The following NECTIN3 variants were observed in gnomAD, a reference collection of about 807,000 sequenced individuals.
The protein encoded by NECTIN3 is nectin cell adhesion molecule 3, also known as nectin-3.
Under a neutral mutation model 49.4 loss-of-function variants are expected in NECTIN3, and 8 were observed. The observed-to-expected ratio is 0.16, with a 90% CI of 0.10 to 0.29. The LOEUF (loss-of-function observed/expected upper bound fraction) is 0.29. NECTIN3 is among the 10% of genes least tolerant of loss of function. NECTIN3 has a pLI of 1.00. For missense variants in NECTIN3, 581 were observed against 654.6 expected, an observed-to-expected ratio of 0.89 and a Z score of 1.23; for synonymous variants, 277 against 241.1, an observed-to-expected ratio of 1.15 and a Z score of -1.38.
chr3:111,151,184 C>T (rs1006064385), intron 7 of NECTIN3, among the ~76,000 whole-genome samples: 9 of 151,732 alleles, frequency 5.9e-5, no homozygotes, highest in East Asian at 1.9e-4. Flanking sequence ...CAGCATGCAG[C>T]GTGATGTTTT....
At chr3:111,167,785 A>T (rs1019547693) in intron 7 of NECTIN3, among the ~76,000 whole-genome samples, 2 of 152,190 alleles carry the variant, frequency 1.3e-5, no homozygotes, top group African/African-American at 4.8e-5. Context: ...GAGAGGCCAC[A>T]GACATCAGTG....
intron 6 of NECTIN3, chr3:111,145,041 G>C: frequency 6.5e-7 from 1 of 1,535,812 alleles, no homozygotes; most frequent in South Asian, 1.2e-5. Flanking sequence ...ACAAAGTGTA[G>C]GTAACTTTTT....
chr3:111,109,467 T>C (rs2033361663), intron 1 of NECTIN3, among the ~76,000 whole-genome samples: 1 of 152,134 alleles, frequency 6.6e-6, no homozygotes, highest in Admixed American at 6.6e-5. Context: ...TATATACATA[T>C]GTACAGGCAA....
chr3:111,145,328 A>G (rs1324122000), intron 6 of NECTIN3, among the ~76,000 whole-genome samples: 1 of 152,210 alleles, frequency 6.6e-6, no homozygotes, highest in Non-Finnish European at 1.5e-5. Flanking sequence ...TGCCTTCTGA[A>G]TAGAAATGTA....
chr3:111,172,691 C>G (rs527431360), intron 7 of NECTIN3, among the ~76,000 whole-genome samples: 138 of 152,292 alleles, frequency 9.1e-4, no homozygotes, highest in African/African-American at 3.2e-3. Context: ...GAATTCTCCA[C>G]CCACAAATTG....
At position 111,129,954 on chromosome 3, in the gene NECTIN3, A is replaced by ATTT. The variant is rs547491944; in HGVS notation, c.1069+3636_1069+3638dup. 3.5e-3 allele frequency among the ~76,000 whole-genome samples: 465 copies of ATTT among 131,584 alleles called. 4 individuals carry two copies. The highest frequency in any genetic ancestry group is 0.012 in the African/African-American group (428 of 35,278). The allele number at this position is 131,584 out of a possible 152,430, so 86.3% of individuals were successfully genotyped here. A position where few individuals can be genotyped will look rare whatever the true frequency, so the allele number is the denominator to read the frequency against. Reference sequence around the variant, plus strand: ...TGTGAGCCACTGCGCCCAGCAGAGAATTTTTTTTTTTTTTTTTTTGAGACA... The same window carrying ATTT: ...TGTGAGCCACTGCGCCCAGCAGAGAATTTTTTTTTTTTTTTTTTTTTTGAGACA... On this transcript the variant is annotated intron_variant, in intron 5 of 5. Transcript: ENST00000485303.
chr3:111,190,503 A>G (rs1307604344), upstream of NECTIN3, among the ~76,000 whole-genome samples: 1 of 152,228 alleles, frequency 6.6e-6, no homozygotes, highest in African/African-American at 2.4e-5. Flanking sequence ...TGTATTTCTT[A>G]TACTTCTAGA....
rs567150225 is a variant in NECTIN3 at position 111,134,579 on chromosome 3, A to C, written c.*364A>C. ...ATTGTGTATTAAATGTTTACCTAAG[A>C]CTATAATCTCAAGTATGATGTTTGT... On this transcript the variant is annotated 3_prime_UTR_variant, in exon 6 of 6. Transcript: ENST00000485303. 1.9e-5 allele frequency: 18 copies of C among 954,378 alleles called. No homozygotes were observed. The highest frequency in any genetic ancestry group is 7.1e-5 in the African/African-American group (4 of 56,586). 59.1% of individuals were successfully genotyped at this position (954,378 alleles called of 1,614,324 possible).
intron 1 of NECTIN3, among the ~76,000 whole-genome samples, chr3:111,092,096 G>A (rs2032305429): frequency 6.6e-6 from 1 of 152,092 alleles, no homozygotes; most frequent in African/African-American, 2.4e-5. Flanking sequence ...TTCTCTGAAG[G>A]CATGTCAGTT....
intron 3 of NECTIN3, 105 bp downstream of exon 3, chr3:111,119,057 T>A: frequency 9.3e-7 from 1 of 1,073,346 alleles, no homozygotes; most frequent in Non-Finnish European, 1.3e-6. Context: ...GTTTTTCTTT[T>A]AATTTTGTTT....
At chr3:111,126,458 T>C in intron 5 of NECTIN3, 123 bp downstream of exon 5, 2 of 803,228 alleles carry the variant, frequency 2.5e-6, no homozygotes, top group Non-Finnish European at 1.9e-6. Context: ...GTGAAGTTTT[T>C]CCAAATAATC....
At chr3:111,190,789 T>A (rs2035800877), upstream of NECTIN3, among the ~76,000 whole-genome samples, 1 of 152,220 alleles carries the variant, frequency 6.6e-6, no homozygotes. Flanking sequence ...CCATTAGCAA[T>A]GGCTAAGTAA....
intron 7 of NECTIN3, among the ~76,000 whole-genome samples, chr3:111,148,430 G>A (rs938458774): frequency 7.2e-5 from 11 of 152,230 alleles, no homozygotes; most frequent in African/African-American, 2.7e-4. Context: ...TGATGGTGAA[G>A]ATGTGCCATG....
At chr3:111,086,715 T>A (rs1388699173) in intron 1 of NECTIN3, among the ~76,000 whole-genome samples, 4 of 152,160 alleles carry the variant, frequency 2.6e-5, no homozygotes, top group Non-Finnish European at 4.4e-5. Context: ...TGTTCCTTTT[T>A]CCTTTCCACA....
At chr3:111,141,695 T>C (rs1463897535), downstream of NECTIN3, among the ~76,000 whole-genome samples, 1 of 151,954 alleles carries the variant, frequency 6.6e-6, no homozygotes, top group Admixed American at 6.6e-5. Context: ...TTACCATTAC[T>C]ACTGTGATAA....
chr3:111,182,751 T>C (rs2107533358), intron 7 of NECTIN3, among the ~76,000 whole-genome samples: 1 of 152,220 alleles, frequency 6.6e-6, no homozygotes, highest in South Asian at 2.1e-4. Flanking sequence ...TTCATATTGG[T>C]CACATGTAGT....
intron 7 of NECTIN3, among the ~76,000 whole-genome samples, chr3:111,181,707 A>C (rs2035629359): frequency 6.6e-6 from 1 of 152,006 alleles, no homozygotes; most frequent in Non-Finnish European, 1.5e-5. Context: ...TAACCTTTTA[A>C]TTTATATGGG....
At chr3:111,117,290 T>G (rs2033727857) in intron 2 of NECTIN3, among the ~76,000 whole-genome samples, 1 of 152,106 alleles carries the variant, frequency 6.6e-6, no homozygotes, top group Admixed American at 6.6e-5. Flanking sequence ...CAGGCTAAAC[T>G]GTGTTGTTTA....
At chr3:111,078,396 T>G (rs2031377151) in intron 1 of NECTIN3, among the ~76,000 whole-genome samples, 1 of 152,164 alleles carries the variant, frequency 6.6e-6, no homozygotes, top group South Asian at 2.1e-4. Context: ...TTTGTTAAAG[T>G]GTTTCTGTGA....
Sources: gnomAD v4.1 joint callset for allele counts (sites outside exome capture counted in the v4.1 genomes callset) on GRCh38, gnomAD v4.1.1 for gene constraint, MANE v1.5 for transcripts, NCBI Gene and HGNC (gene_info 2026-07-23, HGNC 2026-07-21) for gene names.